The following SPTLC2 variants were observed in gnomAD, a reference collection of about 807,000 sequenced individuals.
SPTLC2 encodes serine palmitoyltransferase 2.
Under a neutral mutation model 62.0 loss-of-function variants are expected in SPTLC2, and 21 were observed. That is an observed-to-expected ratio of 0.34 (90% confidence interval 0.24 to 0.49). SPTLC2 has a LOEUF of 0.49. Ranked by LOEUF, SPTLC2 falls within the 20% of genes least tolerant of loss-of-function variation. The pLI, the probability that SPTLC2 is intolerant of heterozygous loss-of-function variation, is 0.99. For synonymous variants in SPTLC2, 261 were observed against 261.8 expected (o/e 1.00, Z 0.03); for missense variants, 511 against 713.0 (o/e 0.72, Z 3.23).
At chr14:77,566,831 C>G (rs1463712578) in intron 5 of SPTLC2, among the ~76,000 whole-genome samples, 1 of 151,838 alleles carries the variant, frequency 6.6e-6, no homozygotes, top group East Asian at 2.0e-4. Context: ...ACTGCCCCAC[C>G]CTGCCATCAA....
At chr14:77,515,572 C>CA (rs2079354767) in intron 11 of SPTLC2, among the ~76,000 whole-genome samples, 1 of 122,390 alleles carries the variant, frequency 8.2e-6, no homozygotes, top group East Asian at 2.0e-4. Flanking sequence ...TTTTTTGAGA[C>CA]AGAGTCTCGC....
At chr14:77,525,534 G>A (rs1401387151) in intron 9 of SPTLC2, among the ~76,000 whole-genome samples, 4 of 151,366 alleles carry the variant, frequency 2.6e-5, no homozygotes, top group East Asian at 1.9e-4. Context: ...AGGTTGCCGT[G>A]AGCGAGACTG....
intron 1 of SPTLC2, among the ~76,000 whole-genome samples, chr14:77,614,603 G>T (rs1316864307): frequency 6.6e-6 from 1 of 151,668 alleles, no homozygotes; most frequent in Non-Finnish European, 1.5e-5. Flanking sequence ...GGTAGAGCTT[G>T]CAGTGAGCCG....
intron 1 of SPTLC2, among the ~76,000 whole-genome samples, chr14:77,601,094 CT>C (rs1403123801): frequency 6.6e-6 from 1 of 152,058 alleles, no homozygotes; most frequent in Admixed American, 6.6e-5. Flanking sequence ...TGTTTATAAC[CT>C]TCTAAACTGC....
At chr14:77,533,824 G>A (rs2079453698) in intron 9 of SPTLC2, among the ~76,000 whole-genome samples, 1 of 152,132 alleles carries the variant, frequency 6.6e-6, no homozygotes, top group Admixed American at 6.6e-5. Flanking sequence ...GGTGCCAACT[G>A]AATTTTGAAT....
In SPTLC2 at chr14:77,616,537, G is replaced by T; in HGVS notation, c.43C>A (p.Arg15=). The T allele has an allele frequency of 1.3e-6, 2 of 1,535,566 alleles. No individual in the cohort carries two copies. Among genetic ancestry groups the T allele is most frequent in the Non-Finnish European group, 1.7e-6 (2 of 1,146,490 alleles). Reference sequence around the variant, plus strand: ...CCGTTCGCCACGCAGCCATTCGCCCGCACCGTGCGGCGGCAGCAGCAGCCT... The same window carrying T: ...CCGTTCGCCACGCAGCCATTCGCCCTCACCGTGCGGCGGCAGCAGCAGCCT... The part of the protein sequence containing the change: ...PGGCCCRRTV[R]ANGCVANGEV... Residue 15 remains arginine (R), a synonymous_variant, in exon 1 of 12, where the codon CGG becomes AGG. Transcript: ENST00000216484.
At position 77,616,475 on chromosome 14, in the gene SPTLC2, T is replaced by G; in HGVS notation, c.105A>C (p.Ala35=). 2 of 1,507,914 alleles carry G rather than the reference T, an allele frequency of 1.3e-6. No homozygotes were observed. The highest frequency in any genetic ancestry group is 3.6e-4 in the Middle Eastern group (2 of 5,542). The allele number at this position is 1,507,914 out of a possible 1,614,324, so 93.4% of individuals were successfully genotyped here. Residue 35 remains alanine, a synonymous_variant, in exon 1 of 12, where the codon GCA becomes GCC. Coordinates refer to ENST00000216484, the MANE Select transcript of SPTLC2 (RefSeq NM_004863.4). ...VRNGYVRSSA[A]AAAAAAAGQI... ...GGCCGGCGGCGGCTGCGGCTGCGGC[T>G]GCAGCGCTGCTCCTCACGTACCCGT... is the stretch of plus-strand genomic sequence containing the variant.
chr14:77,582,973 G>A (rs920379285), intron 2 of SPTLC2, among the ~76,000 whole-genome samples: 2 of 152,156 alleles, frequency 1.3e-5, no homozygotes, highest in African/African-American at 4.8e-5. Flanking sequence ...CTCAAGGCGG[G>A]TGGATCGCTT....
intron 2 of SPTLC2, among the ~76,000 whole-genome samples, chr14:77,588,639 C>T (rs1282948490): frequency 1.3e-5 from 2 of 151,192 alleles, no homozygotes; most frequent in Admixed American, 6.6e-5. Flanking sequence ...AAGGTTGCAG[C>T]GAGCTGAGAT....
At chr14:77,536,365 T>G (rs1459554436) in intron 9 of SPTLC2, among the ~76,000 whole-genome samples, 1 of 152,066 alleles carries the variant, frequency 6.6e-6, no homozygotes, top group African/African-American at 2.4e-5. Context: ...AGGTATTTTT[T>G]GGTTTTTTTT....
intron 2 of SPTLC2, among the ~76,000 whole-genome samples, chr14:77,592,315 A>G (rs1236127480): frequency 6.6e-6 from 1 of 151,772 alleles, no homozygotes; most frequent in Non-Finnish European, 1.5e-5. Flanking sequence ...TTGTATTTTT[A>G]GTAGAGATGG....
chr14:77,531,461 C>CCTT (rs2079438957), intron 9 of SPTLC2, among the ~76,000 whole-genome samples: 2 of 120,164 alleles, frequency 1.7e-5, no homozygotes, highest in African/African-American at 3.7e-5. Flanking sequence ...TTCTCCTCCT[C>CCTT]CTCCTCCTCC....
intron 1 of SPTLC2, among the ~76,000 whole-genome samples, chr14:77,604,674 C>T (rs1024866555): frequency 6.6e-6 from 1 of 151,832 alleles, no homozygotes; most frequent in African/African-American, 2.4e-5. Flanking sequence ...TTGAGACCAG[C>T]CTGACCAACA....
chr14:77,573,500 A>AAAAT lies in SPTLC2; in HGVS notation c.632-2996_632-2993dup, dbSNP rs71452862. Among the ~76,000 whole-genome samples, 114 of 150,300 alleles carry AAAAT rather than the reference A, an allele frequency of 7.6e-4. 3 individuals carry two copies. The East Asian group carries it at 8.6e-3, about 11-fold the overall frequency. Reference sequence around the variant, plus strand: ...ATAAAAAATTTTTACAAAGATTTTAAAAATAAATAAATAAATAAATAAATA... The same window carrying AAAAT: ...ATAAAAAATTTTTACAAAGATTTTAAAAATAAATAAATAAATAAATAAATAAATA... On this transcript the variant is annotated intron_variant, in intron 4 of 11. Coordinates refer to ENST00000216484, the MANE Select transcript of SPTLC2 (RefSeq NM_004863.4).
chr14:77,581,577 A>AT (rs2079751366), intron 2 of SPTLC2, among the ~76,000 whole-genome samples: 1 of 150,970 alleles, frequency 6.6e-6, no homozygotes, highest in Admixed American at 6.6e-5. Context: ...TGCCCAGCTA[A>AT]TTTTTTGTAT....
In SPTLC2 at chr14:77,508,790, C is replaced by T. The variant is rs1464922605; in HGVS notation, c.*3494G>A. Reference sequence around the variant, plus strand: ...TAAAAGCCAAAGGAGCTAGCTTAAGCCCCTAATGAAAAGCCTCCTCCTGAA... The same window carrying T: ...TAAAAGCCAAAGGAGCTAGCTTAAGTCCCTAATGAAAAGCCTCCTCCTGAA... On this transcript the variant is annotated 3_prime_UTR_variant, in exon 12 of 12. Transcript: ENST00000216484. 6.6e-6 allele frequency: 1 copy of T among 150,800 alleles called. No homozygotes were observed. Among genetic ancestry groups the T allele is most frequent in the Non-Finnish European group, 1.5e-5 (1 of 68,020 alleles). The allele number at this position is 150,800 out of a possible 1,614,324, so 9.3% of individuals were successfully genotyped here.
chr14:77,523,182 T>A (rs1361917379), intron 9 of SPTLC2, among the ~76,000 whole-genome samples: 2 of 152,226 alleles, frequency 1.3e-5, no homozygotes, highest in African/African-American at 4.8e-5. Context: ...ATGCTTAATT[T>A]ACATTTAGAA....
Position 77,559,461 on chromosome 14 carries a change from T to C in SPTLC2, c.851-2315A>G, listed in dbSNP as rs111858671. Reference sequence around the variant, plus strand: ...ATCGCAAAACTCCCAGAAGAAAACATGAAAGAATAACATTATGATCTGAGA... The same window carrying C: ...ATCGCAAAACTCCCAGAAGAAAACACGAAAGAATAACATTATGATCTGAGA... On this transcript the variant is annotated intron_variant, in intron 6 of 11. Coordinates refer to ENST00000216484, the MANE Select transcript of SPTLC2 (RefSeq NM_004863.4). Among the ~76,000 whole-genome samples, 121 of 151,974 alleles carry C rather than the reference T, an allele frequency of 8.0e-4. 1 individual carries two copies. Among genetic ancestry groups the C allele is most frequent in the African/African-American group, 2.7e-3 (111 of 41,420 alleles).
chr14:77,606,701 T>C (rs988520576), intron 1 of SPTLC2, among the ~76,000 whole-genome samples: 2 of 152,102 alleles, frequency 1.3e-5, no homozygotes, highest in Non-Finnish European at 2.9e-5. Context: ...AGAACTGTAC[T>C]CTAGGCTGGG....
Sources: allele counts gnomAD v4.1 joint callset (sites outside exome capture counted in the v4.1 genomes callset), GRCh38; gene constraint gnomAD v4.1.1; transcripts MANE v1.5; gene names NCBI Gene and HGNC (gene_info 2026-07-23, HGNC 2026-07-21).